The following ANKS1A variants were observed in gnomAD, a reference collection of about 807,000 sequenced individuals.
ANKS1A encodes the protein ankyrin repeat and SAM domain-containing protein 1A.
A neutral mutation model predicts 120.3 loss-of-function variants in ANKS1A; 55 were observed. The observed-to-expected ratio is 0.46, with a 90% CI of 0.37 to 0.57. The LOEUF (loss-of-function observed/expected upper bound fraction) is 0.57, where lower values mean the gene tolerates loss of function less well. ANKS1A is among the 20% of genes least tolerant of loss of function. ANKS1A has a pLI of 0.00. For synonymous variants in ANKS1A, 590 were observed against 604.7 expected (o/e 0.98, Z 0.36); for missense variants, 1,123 against 1,480.3 (o/e 0.76, Z 3.96).
In ANKS1A at chr6:34,957,646, C is replaced by T. The variant is rs145328096; in HGVS notation, c.198-9593C>T. Among the ~76,000 whole-genome samples the T allele has an allele frequency of 8.4e-3, 1,274 of 152,286 alleles. 77 individuals are homozygous for T. The highest frequency in any genetic ancestry group is 0.079 in the Admixed American group (1,205 of 15,296). ...GAGCTGCCTAGGACCTCTCTTCCCC[C>T]TCAAGTTTATTGCTCCCTCTTTACA... On this transcript the variant is annotated intron_variant, in intron 1 of 23. Coordinates refer to ENST00000360359, the MANE Select transcript of ANKS1A (RefSeq NM_015245.3).
At position 34,976,749 on chromosome 6, in the gene ANKS1A, CT is replaced by C. The variant is rs1431142868; in HGVS notation, c.436-4938del. Among the ~76,000 whole-genome samples, 3 of 145,918 alleles carry C rather than the reference CT, an allele frequency of 2.1e-5. No homozygotes were observed. In the South Asian group the frequency reaches 6.7e-4, roughly 32 times the overall value. The stretch of plus-strand genomic sequence containing the variant: ...TACTACAGTGTTAACATTTTGCTAC[CT>C]TTGCTTTTTCTCTTTCTGTGTGTGT... On this transcript the variant is annotated intron_variant, in intron 3 of 23. Coordinates refer to ENST00000360359, the MANE Select transcript of ANKS1A (RefSeq NM_015245.3).
intron 23 of ANKS1A, among the ~76,000 whole-genome samples, chr6:35,088,161 A>C (rs1314295109): frequency 6.6e-6 from 1 of 151,864 alleles, no homozygotes; most frequent in Non-Finnish European, 1.5e-5. Flanking sequence ...CAGCCTCCTG[A>C]CTCCTCCGAA....
Position 35,089,647 on chromosome 6 carries a change from G to A in ANKS1A, c.*1038G>A. On this transcript the variant is annotated 3_prime_UTR_variant, in exon 24 of 24. Coordinates refer to ENST00000360359, the MANE Select transcript of ANKS1A (RefSeq NM_015245.3). ...CGGTGTGGAAAAGGCTAAATAAGGT[G>A]ACAGTGCATCGATGCTCCCCCGCGT... 1.0e-6 allele frequency: 1 copy of A among 988,202 alleles called. No homozygotes were observed. 61.2% of individuals were successfully genotyped at this position (988,202 alleles called of 1,614,324 possible).
chr6:34,937,038 C>T (rs1353757529), intron 1 of ANKS1A, among the ~76,000 whole-genome samples: 3 of 152,104 alleles, frequency 2.0e-5, no homozygotes, highest in African/African-American at 7.2e-5. Flanking sequence ...CATTCCTATA[C>T]ATACATACAT....
At chr6:34,983,277 A>G (rs537664963) in intron 6 of ANKS1A, 47 bp from the exon 7 acceptor site, 5 of 1,610,100 alleles carry the variant, frequency 3.1e-6, no homozygotes, top group African/African-American at 1.3e-5. Flanking sequence ...AGGCATTTGT[A>G]TTTGGTGCAG....
chr6:34,949,177 A>G (rs552526326), intron 1 of ANKS1A, among the ~76,000 whole-genome samples: 26 of 152,350 alleles, frequency 1.7e-4, no homozygotes, highest in Non-Finnish European at 3.1e-4. Context: ...AGAGCTGTGG[A>G]TATAGTTAAC....
intron 1 of ANKS1A, among the ~76,000 whole-genome samples, chr6:34,942,956 C>T (rs1769606214): frequency 6.6e-6 from 1 of 151,108 alleles, no homozygotes; most frequent in African/African-American, 2.4e-5. Context: ...TCCCCTTTCC[C>T]CTTTCCTTTT....
chr6:34,975,465 A>C (rs1200794046), intron 3 of ANKS1A, among the ~76,000 whole-genome samples: 1 of 151,766 alleles, frequency 6.6e-6, no homozygotes, highest in African/African-American at 2.4e-5. Context: ...AAAAACAACA[A>C]AAAAAAGGAA....
chr6:35,084,066 G>T lies in ANKS1A; in HGVS notation c.2995-55G>T. 1 of 1,605,200 alleles carries T rather than the reference G, an allele frequency of 6.2e-7. No homozygotes were observed. The highest frequency in any genetic ancestry group is 2.2e-5 in the East Asian group (1 of 44,796). On this transcript the variant is annotated intron_variant, in intron 20 of 23. Coordinates refer to ENST00000360359, the MANE Select transcript of ANKS1A (RefSeq NM_015245.3). The surrounding 1 kb of genome is among the most constrained non-coding windows in gnomAD (Gnocchi z 4.8). ...ACAATGGTAACAGGCTGGGGCAGGG[G>T]GTGCCAGAGGCATGCCTGAGCCTGA...
intron 12 of ANKS1A, among the ~76,000 whole-genome samples, chr6:35,059,788 G>A (rs1043646133): frequency 2.6e-5 from 4 of 152,138 alleles, no homozygotes; most frequent in African/African-American, 7.2e-5. Flanking sequence ...TCTTCAGCAC[G>A]CACGCTGATG....
chr6:35,096,931 A>C, the ANKS1A span, among the ~76,000 whole-genome samples: 1 of 151,910 alleles, frequency 6.6e-6, no homozygotes, highest in Non-Finnish European at 1.5e-5. Context: ...CAAACCCTCC[A>C]ACTACAATGT....
chr6:34,905,478 G>T (rs1767605985), intron 1 of ANKS1A, among the ~76,000 whole-genome samples: 1 of 152,044 alleles, frequency 6.6e-6, no homozygotes, highest in Non-Finnish European at 1.5e-5. Context: ...GAGTGGGATG[G>T]TTTCACTTCT....
intron 10 of ANKS1A, among the ~76,000 whole-genome samples, chr6:35,013,531 G>A (rs748474105): frequency 2.1e-4 from 32 of 152,180 alleles, no homozygotes; most frequent in Non-Finnish European, 4.1e-4. Flanking sequence ...CTGAGCTCAA[G>A]CAATCCTCCC....
Position 34,983,206 on chromosome 6 carries a change from T to G in ANKS1A, c.902T>G (p.Leu301Ter). ...PSQKSQQIAA[L>*]IEDHMTGKRS... is the part of the protein sequence containing the mutation. ...CAAAAGAGCCAGCAAATAGCAGCAT[T>G]AATTGAAGGTATCATCCTTTCTCCC... Residue 301 changes from leucine (L) to a stop codon, truncating the protein, a stop_gained, in exon 6 of 24, where the codon TTA (leucine) becomes TGA (stop). Transcript: ENST00000360359. LOFTEE classifies it high-confidence loss of function. 6.2e-7 allele frequency: 1 copy of G among 1,614,086 alleles called. No individual in the cohort carries two copies.
chr6:35,085,635 A>G lies in ANKS1A; in HGVS notation c.3133-131A>G. The stretch of plus-strand genomic sequence containing the variant: ...GAAGAGTAAAGGAGGGAAAGGAGGG[A>G]AGAGTGGAAGGAGGTAGGAGCGCTC... On this transcript the variant is annotated intron_variant, in intron 21 of 23. Transcript: ENST00000360359. The surrounding 1 kb of genome is among the most constrained non-coding windows in gnomAD (Gnocchi z 4.7). 1 of 803,912 alleles carries G rather than the reference A, an allele frequency of 1.2e-6. No individual in the cohort carries two copies. Among genetic ancestry groups the G allele is most frequent in the South Asian group, 2.2e-5 (1 of 46,374 alleles). The allele number at this position is 803,912 out of a possible 1,614,324, so 49.8% of individuals were successfully genotyped here. A position where few individuals can be genotyped will look rare whatever the true frequency, so the allele number is the denominator to read the frequency against.
rs77494753 is a variant in ANKS1A at position 34,973,700 on chromosome 6, C to G, written c.435+3534C>G. On this transcript the variant is annotated intron_variant, in intron 3 of 23. Coordinates refer to ENST00000360359, the MANE Select transcript of ANKS1A (RefSeq NM_015245.3). ...GAAATAGTGATTTAGCAAAGGAAGCCCCCTATGGGCTGGACCTAGGAAGGC... is the reference window on the plus strand; with the variant it reads ...GAAATAGTGATTTAGCAAAGGAAGCGCCCTATGGGCTGGACCTAGGAAGGC... 1.5e-3 allele frequency among the ~76,000 whole-genome samples: 230 copies of G among 152,274 alleles called. 4 individuals carry two copies. The East Asian group carries it at 0.035, about 23-fold the overall frequency.
At position 35,000,226 on chromosome 6, in the gene ANKS1A, T is replaced by C. The variant is rs374569909; in HGVS notation, c.1423+5804T>C. 2.0e-5 allele frequency among the ~76,000 whole-genome samples: 3 copies of C among 151,446 alleles called. No individual in the cohort carries two copies. In the East Asian group the frequency reaches 5.8e-4, roughly 29 times the overall value. ...GCAGATGGCCCAGATGCATTCAATC[T>C]GTAGTGGCAGCTGCTTTGCTAATGA... is the stretch of plus-strand genomic sequence containing the variant. On this transcript the variant is annotated intron_variant, in intron 10 of 23. Coordinates refer to ENST00000360359, the MANE Select transcript of ANKS1A (RefSeq NM_015245.3).
At chr6:35,072,945 G>A (rs988137351) in intron 13 of ANKS1A, among the ~76,000 whole-genome samples, 5 of 152,228 alleles carry the variant, frequency 3.3e-5, no homozygotes, top group African/African-American at 1.2e-4. Context: ...CGAGGAAGAC[G>A]ACTGGGGTTG....
intron 2 of ANKS1A, among the ~76,000 whole-genome samples, chr6:34,969,371 C>T (rs1771067356): frequency 6.6e-6 from 1 of 152,226 alleles, no homozygotes; most frequent in African/African-American, 2.4e-5. Context: ...CTCCCTGCTT[C>T]ACCCTCCCAA....
Sources: allele counts gnomAD v4.1 joint callset (sites outside exome capture counted in the v4.1 genomes callset), GRCh38; gene constraint gnomAD v4.1.1; non-coding constraint Gnocchi (gnomAD v3.1); transcripts MANE v1.5; gene names NCBI Gene and HGNC (gene_info 2026-07-23, HGNC 2026-07-21).